Variants in RAPGEF2 observed in about 807,000 individuals in gnomAD.
RAPGEF2 encodes the protein PDZ domain containing guanine nucleotide exchange factor (GEF) 1.
A neutral mutation model predicts 186.7 loss-of-function variants in RAPGEF2; 54 were observed. The ratio of observed to expected loss-of-function variants is 0.29; its 90% CI spans 0.23 to 0.36. RAPGEF2 has a LOEUF of 0.36. Ranked by LOEUF, RAPGEF2 falls within the 10% of genes least tolerant of loss-of-function variation. RAPGEF2 has a pLI of 1.00. For synonymous variants in RAPGEF2, 712 were observed against 705.9 expected (o/e 1.01, Z -0.14); for missense variants, 1,532 against 2,045.0 (o/e 0.75, Z 4.84).
At chr4:159,356,334 T>TTGTG (rs61014850) in intron 29 of RAPGEF2, among the ~76,000 whole-genome samples, 176 bp downstream of exon 29, 4 of 151,544 alleles carry the variant, frequency 2.6e-5, no homozygotes, top group African/African-American at 7.3e-5. Flanking sequence ...CTGCTTTCTT[T>TTGTG]TGTGTGTGTG....
chr4:159,173,253 G>A (rs995167769), intron 1 of RAPGEF2, among the ~76,000 whole-genome samples: 15 of 152,110 alleles, frequency 9.9e-5, no homozygotes, highest in Non-Finnish European at 1.9e-4. Flanking sequence ...CATTCAAAGA[G>A]TACTTCTTTT....
At chr4:159,288,147 T>C (rs926424682) in intron 7 of RAPGEF2, among the ~76,000 whole-genome samples, 2 of 152,212 alleles carry the variant, frequency 1.3e-5, no homozygotes, top group African/African-American at 4.8e-5. Flanking sequence ...TTTCATATCA[T>C]AATCTTTGAC....
At chr4:159,212,643 A>C (rs1750640810) in intron 4 of RAPGEF2, among the ~76,000 whole-genome samples, 1 of 152,212 alleles carries the variant, frequency 6.6e-6, no homozygotes, top group African/African-American at 2.4e-5. Context: ...ACATTCAGCT[A>C]TTTGAACTTT....
intron 1 of RAPGEF2, among the ~76,000 whole-genome samples, chr4:159,135,211 T>G (rs1410375076): frequency 6.6e-6 from 1 of 151,976 alleles, no homozygotes; most frequent in African/African-American, 2.4e-5. Flanking sequence ...GCCCAGCTAA[T>G]TTTTATATTT....
chr4:159,352,855 G>C lies in RAPGEF2; in HGVS notation c.4036G>C (p.Gly1346Arg). 6.2e-7 allele frequency: 1 copy of C among 1,614,196 alleles called. No individual in the cohort carries two copies. The highest frequency in any genetic ancestry group is 8.5e-7 in the Non-Finnish European group (1 of 1,180,042). ...TGTCAGCATCGTGGAAACAAACCTA[G>C]GGATGGGCAGGATGGAGAGGCGGAC... Reference protein sequence around the residue: ...HSVSIVETNLGMGRMERRTMI... With the variant: ...HSVSIVETNLRMGRMERRTMI... Residue 1346 changes from glycine (G) to arginine (R), a missense_variant, in exon 27 of 30, where the codon GGG (glycine) becomes CGG (arginine). Gly to Arg is a moderately radical substitution (Grantham distance 125). Transcript: ENST00000691494.
chr4:159,279,936 C>T (rs1035873137), intron 7 of RAPGEF2, among the ~76,000 whole-genome samples: 8 of 152,072 alleles, frequency 5.3e-5, no homozygotes, highest in African/African-American at 1.2e-4. Flanking sequence ...CTGCCCGCCT[C>T]GGCCTCCCAA....
chr4:159,199,822 A>T (rs1320426141), intron 3 of RAPGEF2, among the ~76,000 whole-genome samples: 3 of 151,972 alleles, frequency 2.0e-5, no homozygotes, highest in African/African-American at 7.3e-5. Flanking sequence ...GTTACCTTTC[A>T]TTTTTCTGAG....
chr4:159,173,194 T>G (rs1290162457), intron 1 of RAPGEF2, among the ~76,000 whole-genome samples: 1 of 152,208 alleles, frequency 6.6e-6, no homozygotes, highest in African/African-American at 2.4e-5. Context: ...TTTTTGTCTT[T>G]TGTCCTAGAA....
intron 1 of RAPGEF2, among the ~76,000 whole-genome samples, chr4:159,119,470 TGAA>T (rs1018167681): frequency 2.6e-5 from 4 of 152,174 alleles, no homozygotes; most frequent in Non-Finnish European, 5.9e-5. Context: ...TACAGAAAGA[TGAA>T]GATTAATGGG....
intron 7 of RAPGEF2, among the ~76,000 whole-genome samples, chr4:159,285,705 TGAGA>T (rs1381888243): frequency 6.6e-6 from 1 of 152,214 alleles, no homozygotes; most frequent in African/African-American, 2.4e-5. Flanking sequence ...AGAGAAATCT[TGAGA>T]CCTTTTATCT....
chr4:159,312,411 C>T (rs1764057333), intron 8 of RAPGEF2, among the ~76,000 whole-genome samples: 1 of 152,074 alleles, frequency 6.6e-6, no homozygotes, highest in African/African-American at 2.4e-5. Flanking sequence ...GGGTCAGGTG[C>T]TGATAACAAT....
At chr4:159,224,039 C>T (rs899028791) in intron 4 of RAPGEF2, among the ~76,000 whole-genome samples, 7 of 152,042 alleles carry the variant, frequency 4.6e-5, no homozygotes, top group Admixed American at 6.6e-5. Context: ...GCTGGAATTA[C>T]GGTCATGTGC....
chr4:159,170,347 T>A (rs1745779047), intron 1 of RAPGEF2, among the ~76,000 whole-genome samples: 1 of 152,134 alleles, frequency 6.6e-6, no homozygotes, highest in Admixed American at 6.6e-5. Flanking sequence ...CAGCCCTCCA[T>A]ACACTCAGGT....
At chr4:159,127,845 T>C (rs1740531450) in intron 1 of RAPGEF2, among the ~76,000 whole-genome samples, 1 of 152,238 alleles carries the variant, frequency 6.6e-6, no homozygotes. Context: ...TTCAGGCTTG[T>C]AAATTATTTT....
chr4:159,198,973 G>A (rs889109897), intron 3 of RAPGEF2, among the ~76,000 whole-genome samples: 12 of 150,600 alleles, frequency 8.0e-5, no homozygotes, highest in African/African-American at 2.9e-4. Context: ...CTACTTGGGA[G>A]GCTGAGCCAC....
chr4:159,291,918 A>G (rs1761272609), intron 7 of RAPGEF2, among the ~76,000 whole-genome samples: 1 of 152,150 alleles, frequency 6.6e-6, no homozygotes, highest in South Asian at 2.1e-4. Flanking sequence ...AAATTTTAGA[A>G]AATGTAGATA....
intron 7 of RAPGEF2, chr4:159,282,744 T>A: frequency 2.6e-6 from 1 of 381,058 alleles, no homozygotes; most frequent in Non-Finnish European, 5.1e-6. Flanking sequence ...TAATATAGAT[T>A]ATAGAAGCAT....
intron 7 of RAPGEF2, among the ~76,000 whole-genome samples, chr4:159,287,485 A>G (rs563479742): frequency 6.6e-6 from 1 of 152,278 alleles, no homozygotes; most frequent in African/African-American, 2.4e-5. Context: ...AGTGTAATTC[A>G]GTGCCAAAAA....
chr4:159,126,499 A>G (rs1355825704), intron 1 of RAPGEF2, among the ~76,000 whole-genome samples: 1 of 151,462 alleles, frequency 6.6e-6, no homozygotes, highest in Non-Finnish European at 1.5e-5. Flanking sequence ...TTGATTGTAA[A>G]ATGTCATTTA....
Sources: allele counts gnomAD v4.1 joint callset (sites outside exome capture counted in the v4.1 genomes callset), GRCh38; gene constraint gnomAD v4.1.1; transcripts MANE v1.5; gene names NCBI Gene and HGNC (gene_info 2026-07-23, HGNC 2026-07-21).